The following DDHD1 variants were observed in gnomAD, a reference collection of about 807,000 sequenced individuals.
DDHD1 encodes phospholipase DDHD1.
A neutral mutation model predicts 96.4 loss-of-function variants in DDHD1; 49 were observed. That is an observed-to-expected ratio of 0.51 (90% confidence interval 0.40 to 0.64). The LOEUF (loss-of-function observed/expected upper bound fraction) is 0.64, where lower values mean the gene tolerates loss of function less well. Among genes scored for constraint, DDHD1 ranks in the 30% least tolerant of loss-of-function variants. DDHD1 has a pLI of 0.00. For missense variants in DDHD1, 1,106 were observed against 1,161.2 expected (o/e 0.95, Z 0.69); for synonymous variants, 442 against 446.5 (o/e 0.99, Z 0.13).
At chr14:53,102,317 G>A (rs1254737186) in intron 2 of DDHD1, among the ~76,000 whole-genome samples, 1 of 151,948 alleles carries the variant, frequency 6.6e-6, no homozygotes, top group Non-Finnish European at 1.5e-5. Context: ...AGTATTACAT[G>A]GCAATCTGTA....
At chr14:53,117,337 G>C (rs974523416) in intron 1 of DDHD1, among the ~76,000 whole-genome samples, 4 of 152,176 alleles carry the variant, frequency 2.6e-5, no homozygotes, top group Non-Finnish European at 5.9e-5. Context: ...AAGTATGGTG[G>C]GGCGTCGCCT....
rs367621941 is a variant in DDHD1 at position 53,152,943 on chromosome 14, G to A, written c.156C>T (p.Gly52=). ...CGCGCAGCAGGGCCAGGGGCACGTC[G>A]CCGTCGTCCGGGTCCCCGCCGGGCA... ...EHLPGGDPDD[G]DVPLALLRGE... Residue 52 remains glycine (G), a synonymous_variant, in exon 1 of 13, where the codon GGC becomes GGT. Coordinates refer to ENST00000673822, the MANE Select transcript of DDHD1 (RefSeq NM_001160148.2). 9.8e-4 allele frequency: 1,560 copies of A among 1,596,652 alleles called. No homozygotes were observed. The highest frequency in any genetic ancestry group is 1.3e-3 in the Admixed American group (76 of 57,654).
chr14:53,141,871 TAG>T (rs1890664623), intron 1 of DDHD1, among the ~76,000 whole-genome samples: 1 of 152,140 alleles, frequency 6.6e-6, no homozygotes, highest in Admixed American at 6.5e-5. Context: ...GTAATTTTGA[TAG>T]AGTCAAAGCT....
At position 53,058,623 on chromosome 14, in the gene DDHD1, C is replaced by G; in HGVS notation, c.1846G>C (p.Glu616Gln). 6.3e-7 allele frequency: 1 copy of G among 1,593,732 alleles called. No homozygotes were observed. Among genetic ancestry groups the G allele is most frequent in the Admixed American group, 1.8e-5 (1 of 55,438 alleles). ...TQTPALKFKV[E>Q]NFFCMGSPLA... ...GGGGATCCCATACAGAAGAAATTCT[C>G]AACCTAAAATGATAAAGTCATCTTA... Residue 616 changes from glutamate to glutamine, a missense_variant, in exon 9 of 13, where the codon GAG becomes CAG. Physicochemically the swap from Glu to Gln is conservative, Grantham distance 29 (BLOSUM62 2). Around this residue, in one of 2 missense-constraint regions of DDHD1, gnomAD observed 650 missense variants for 758.8 expected, o/e 0.86. Transcript: ENST00000673822.
chr14:53,096,145 C>T (rs952774422), intron 2 of DDHD1: 13 of 985,000 alleles, frequency 1.3e-5, no homozygotes, highest in African/African-American at 1.2e-4. Flanking sequence ...TAAGACCTGT[C>T]GCATCTGTAC....
At chr14:53,124,033 A>C (rs1214662673) in intron 1 of DDHD1, among the ~76,000 whole-genome samples, 1 of 151,880 alleles carries the variant, frequency 6.6e-6, no homozygotes. Flanking sequence ...GGAGTTCGAG[A>C]CCAGCCTGGC....
At chr14:53,097,791 G>T (rs540937048) in intron 2 of DDHD1, among the ~76,000 whole-genome samples, 62 of 151,742 alleles carry the variant, frequency 4.1e-4, no homozygotes, top group Non-Finnish European at 1.2e-4. Flanking sequence ...ACAAATGAAG[G>T]CTTTCTTTTC....
chr14:53,086,659 C>T (rs960468504), intron 4 of DDHD1, among the ~76,000 whole-genome samples: 5 of 152,124 alleles, frequency 3.3e-5, no homozygotes, highest in African/African-American at 1.2e-4. Flanking sequence ...AAGCACTAAA[C>T]ATGGAAAGGA....
intron 8 of DDHD1, among the ~76,000 whole-genome samples, chr14:53,059,796 G>A (rs148738614): frequency 0.012 from 1,739 of 146,308 alleles, 36 homozygotes; most frequent in African/African-American, 0.041. Flanking sequence ...TCGGAGGGGC[G>A]GAGGTTGCAG....
chr14:53,132,908 G>A (rs1047266981), intron 1 of DDHD1, among the ~76,000 whole-genome samples: 4 of 151,988 alleles, frequency 2.6e-5, no homozygotes, highest in Non-Finnish European at 4.4e-5. Flanking sequence ...CCTTCTCACC[G>A]GTCACTCCCA....
Position 53,061,153 on chromosome 14 carries a change from C to T in DDHD1, c.1815G>A (p.Met605Ile), listed in dbSNP as rs770085631. Residue 605 changes from methionine to isoleucine, a missense_variant, in exon 8 of 13, where the codon ATG becomes ATA. Around this residue, in one of 2 missense-constraint regions of DDHD1, gnomAD observed 650 missense variants for 758.8 expected, o/e 0.86. Transcript: ENST00000673822. ...ERLHGLKASS[M>I]TQTPALKFKV... is the part of the protein sequence containing the mutation. ...TAAATTTTAAGGCAGGTGTTTGTGT[C>T]ATAGATGATGCTTTCAATCCGTGAA... 6.2e-7 allele frequency: 1 copy of T among 1,611,324 alleles called. No individual in the cohort carries two copies. Among genetic ancestry groups the T allele is most frequent in the Admixed American group, 1.7e-5 (1 of 59,376 alleles).
intron 1 of DDHD1, among the ~76,000 whole-genome samples, chr14:53,129,129 A>G (rs753360081): frequency 5.9e-5 from 9 of 152,172 alleles, no homozygotes; most frequent in Non-Finnish European, 1.2e-4. Flanking sequence ...CTTGTTGCTC[A>G]CACAAAGCCT....
At chr14:53,091,245 T>C (rs1371566563) in intron 4 of DDHD1, among the ~76,000 whole-genome samples, 1 of 152,182 alleles carries the variant, frequency 6.6e-6, no homozygotes, top group African/African-American at 2.4e-5. Flanking sequence ...CCCTAAGACA[T>C]CTTAAAAAGT....
At chr14:53,126,125 C>T (rs759687887) in intron 1 of DDHD1, among the ~76,000 whole-genome samples, 4 of 152,178 alleles carry the variant, frequency 2.6e-5, no homozygotes, top group Non-Finnish European at 5.9e-5. Flanking sequence ...CATAAGTGAT[C>T]ACTGGTTCCC....
intron 1 of DDHD1, among the ~76,000 whole-genome samples, chr14:53,119,900 A>T (rs1357065421): frequency 6.6e-6 from 1 of 152,234 alleles, no homozygotes. Context: ...GCACAAGACA[A>T]GGATGTCCTC....
chr14:53,121,894 C>T (rs1889019445), intron 1 of DDHD1, among the ~76,000 whole-genome samples: 1 of 147,024 alleles, frequency 6.8e-6, no homozygotes, highest in African/African-American at 2.5e-5. Context: ...AACAAACCTG[C>T]ACGTTCTGCG....
intron 1 of DDHD1, 140 bp from the exon 2 acceptor site, chr14:53,103,996 T>C: frequency 1.5e-6 from 1 of 673,314 alleles, no homozygotes; most frequent in Non-Finnish European, 2.3e-6. Flanking sequence ...TCTAAACTTT[T>C]ATTTATGTTT....
At chr14:53,082,758 C>CAAA (rs11368593) in intron 4 of DDHD1, among the ~76,000 whole-genome samples, 43 of 98,870 alleles carry the variant, frequency 4.3e-4, no homozygotes, top group African/African-American at 1.3e-3. Flanking sequence ...GACTCTATCT[C>CAAA]AAAAAAAAAA....
intron 1 of DDHD1, among the ~76,000 whole-genome samples, chr14:53,134,034 T>C (rs942958867): frequency 2.5e-4 from 38 of 152,278 alleles, no homozygotes; most frequent in African/African-American, 8.9e-4. Flanking sequence ...TTAAACTCAC[T>C]TGCATTTCTG....
Sources: allele counts gnomAD v4.1 joint callset (sites outside exome capture counted in the v4.1 genomes callset), GRCh38; gene constraint gnomAD v4.1.1; regional missense constraint gnomAD v4.1.1; transcripts MANE v1.5; gene names NCBI Gene and HGNC (gene_info 2026-07-23, HGNC 2026-07-21).